CELF2: variants seen among roughly 807,000 people sequenced by gnomAD.
The protein encoded by CELF2 is CUGBP Elav-like family member 2.
Under a neutral mutation model 62.6 loss-of-function variants are expected in CELF2, and 8 were observed. The observed-to-expected ratio is 0.13, with a 90% CI of 0.07 to 0.23. CELF2 has a LOEUF of 0.23. CELF2 is among the 10% of genes least tolerant of loss of function. The pLI is 1.00. For missense variants in CELF2, 333 were observed against 671.0 expected, an observed-to-expected ratio of 0.50 and a Z score of 5.56; for synonymous variants, 258 against 250.0, an observed-to-expected ratio of 1.03 and a Z score of -0.30.
the CELF2 span, among the ~76,000 whole-genome samples, chr10:10,674,561 C>T: frequency 6.6e-6 from 1 of 152,140 alleles, no homozygotes; most frequent in South Asian, 2.1e-4. Context: ...ATATTTGTTA[C>T]TATTTCCTTT....
intron 1 of CELF2, among the ~76,000 whole-genome samples, chr10:11,077,388 G>A (rs184049098): frequency 3.3e-5 from 5 of 152,316 alleles, no homozygotes; most frequent in Admixed American, 3.3e-4. Context: ...ATAATCCCAA[G>A]TGGGTCAGTT....
the CELF2 span, among the ~76,000 whole-genome samples, chr10:10,541,510 C>G: frequency 5.3e-5 from 8 of 152,032 alleles, no homozygotes; most frequent in Admixed American, 3.9e-4. Flanking sequence ...TGATTACATG[C>G]TAAACAAAGG....
chr10:10,822,838 C>G (rs916558525), intron 1 of CELF2, among the ~76,000 whole-genome samples: 1 of 152,180 alleles, frequency 6.6e-6, no homozygotes, highest in Non-Finnish European at 1.5e-5. Flanking sequence ...TTTTATATTT[C>G]TTGTCTTGCT....
At chr10:11,286,772 C>T (rs112766488) in intron 8 of CELF2, among the ~76,000 whole-genome samples, 3,334 of 152,288 alleles carry the variant, frequency 0.022, 58 homozygotes, top group Non-Finnish European at 0.037. Context: ...CCTTTTCTTG[C>T]AGAAATTCAC....
At chr10:10,584,937 G>A in the CELF2 span, among the ~76,000 whole-genome samples, 2 of 152,132 alleles carry the variant, frequency 1.3e-5, no homozygotes, top group African/African-American at 4.8e-5. Flanking sequence ...AGTCTAAGAA[G>A]GAGGAAATTT....
rs1466390033 is a variant in CELF2, at chr10:11,285,268, C to T, written c.842-3150C>T. ...CAGATGCTGGGGATCACAGTGTCCT[C>T]TCCTTTCCACTCTTCATCTCAGCTT... On this transcript the variant is annotated intron_variant, in intron 8 of 12. Transcript: ENST00000633077. This position sits in a 1 kb window ranked among gnomAD's most constrained non-coding sequence, Gnocchi z 4.3. 6.6e-6 allele frequency among the ~76,000 whole-genome samples: 1 copy of T among 152,120 alleles called. No individual in the cohort carries two copies. Among genetic ancestry groups the T allele is most frequent in the Non-Finnish European group, 1.5e-5 (1 of 68,014 alleles).
At chr10:10,640,975 T>C in the CELF2 span, among the ~76,000 whole-genome samples, 3 of 152,126 alleles carry the variant, frequency 2.0e-5, no homozygotes, top group Admixed American at 2.0e-4. Context: ...TGGCTATAAG[T>C]CAATGACATG....
At chr10:10,818,480 A>T (rs2056677974) in intron 1 of CELF2, among the ~76,000 whole-genome samples, 1 of 152,106 alleles carries the variant, frequency 6.6e-6, no homozygotes, top group African/African-American at 2.4e-5. Flanking sequence ...GGAAAAAGAC[A>T]GCTTCATTTC....
intron 1 of CELF2, among the ~76,000 whole-genome samples, chr10:11,130,243 T>TCA (rs1564863168): frequency 1.3e-5 from 2 of 152,332 alleles, no homozygotes; most frequent in East Asian, 3.9e-4. Context: ...AGAAACAGTT[T>TCA]GTTGTAATTT....
chr10:11,278,691 C>T (rs2087073921), intron 8 of CELF2, among the ~76,000 whole-genome samples: 1 of 152,182 alleles, frequency 6.6e-6, no homozygotes. Flanking sequence ...GTGACTACCA[C>T]TTTGTTACTA....
At chr10:10,766,370 T>A in the CELF2 span, among the ~76,000 whole-genome samples, 1 of 152,332 alleles carries the variant, frequency 6.6e-6, no homozygotes, top group South Asian at 2.1e-4. Context: ...TCATAAAATG[T>A]GTCTGAGATG....
chr10:10,862,542 G>T (rs1439676261), intron 1 of CELF2, among the ~76,000 whole-genome samples: 3 of 152,178 alleles, frequency 2.0e-5, no homozygotes, highest in African/African-American at 7.2e-5. Flanking sequence ...TTAGGCAGAA[G>T]GTACTTGGCC....
Position 11,072,860 on chromosome 10 carries a change from T to C in CELF2, c.74+54697T>C, listed in dbSNP as rs1334317433. 3.3e-5 allele frequency among the ~76,000 whole-genome samples: 5 copies of C among 152,154 alleles called. No homozygotes were observed. In the East Asian group the frequency reaches 7.7e-4, roughly 23 times the overall value. On this transcript the variant is annotated intron_variant, in intron 1 of 12. Transcript: ENST00000633077. ...AAAACGGAGGTATGCTAACTGAGGA[T>C]GGGAAGCAGATATCCCTGAAACATA...
chr10:11,277,641 C>T (rs2086644321), intron 8 of CELF2, among the ~76,000 whole-genome samples: 1 of 152,168 alleles, frequency 6.6e-6, no homozygotes, highest in Non-Finnish European at 1.5e-5. Context: ...ATGACTTCAG[C>T]AATATGTATA....
At chr10:10,584,006 C>G in the CELF2 span, among the ~76,000 whole-genome samples, 21 of 152,188 alleles carry the variant, frequency 1.4e-4, 2 homozygotes, top group South Asian at 4.2e-3. Flanking sequence ...CTTCCAACCC[C>G]AAGACCGTAG....
At chr10:10,667,568 C>T in the CELF2 span, among the ~76,000 whole-genome samples, 3 of 152,178 alleles carry the variant, frequency 2.0e-5, no homozygotes. Flanking sequence ...GAATGGGTCT[C>T]CCAAATTTCA....
chr10:10,561,135 T>C, the CELF2 span, among the ~76,000 whole-genome samples: 1 of 152,112 alleles, frequency 6.6e-6, no homozygotes, highest in Non-Finnish European at 1.5e-5. Context: ...TGTAATCAAA[T>C]ATTACTGATA....
chr10:10,869,026 C>A (rs2060560637), intron 1 of CELF2, among the ~76,000 whole-genome samples: 1 of 152,106 alleles, frequency 6.6e-6, no homozygotes, highest in Non-Finnish European at 1.5e-5. Flanking sequence ...TAGGACAAAC[C>A]AAACTACTGC....
In CELF2 at chr10:10,988,294, T is replaced by TAG. The variant is rs113642206; in HGVS notation, c.89+68314_89+68315dup. 8.3e-3 allele frequency among the ~76,000 whole-genome samples: 1,175 copies of TAG among 140,802 alleles called. 7 individuals are homozygous for TAG. Among genetic ancestry groups the TAG allele is most frequent in the Middle Eastern group, 0.015 (4 of 270 alleles). 92.4% of individuals were successfully genotyped at this position (140,802 alleles called of 152,430 possible). On this transcript the variant is annotated intron_variant, in intron 2 of 13. Transcript: ENST00000636488. ...GTGTGTGTGTATATATATATATATA[T>TAG]AGAGAGAGAGAGAGAGAGAGCATGG... is the stretch of plus-strand genomic sequence containing the variant.
Sources: allele counts gnomAD v4.1 joint callset (sites outside exome capture counted in the v4.1 genomes callset), GRCh38; gene constraint gnomAD v4.1.1; non-coding constraint Gnocchi (gnomAD v3.1); transcripts MANE v1.5; gene names NCBI Gene and HGNC (gene_info 2026-07-23, HGNC 2026-07-21).